CHM: variants seen among roughly 807,000 people sequenced by gnomAD.
CHM encodes CHM Rab escort protein.
A neutral mutation model predicts 49.0 loss-of-function variants in CHM; 10 were observed. That is an observed-to-expected ratio of 0.20 (90% CI 0.13 to 0.35). CHM has a LOEUF of 0.35. Ranked by LOEUF, CHM falls within the 10% of genes least tolerant of loss-of-function variation. The pLI is 1.00. For synonymous variants in CHM, 184 were observed against 167.5 expected (o/e 1.10, Z -0.76); for missense variants, 455 against 478.4 (o/e 0.95, Z 0.46).
chrX:85,934,726 T>C (rs928774013), intron 8 of CHM, among the ~76,000 whole-genome samples: 3 of 110,554 alleles, frequency 2.7e-5, no homozygotes, highest in African/African-American at 9.9e-5. Context: ...CTATTGTGAA[T>C]AGTGCCACAA....
intron 7 of CHM, among the ~76,000 whole-genome samples, chrX:85,957,614 G>GAGT (rs1287818119): frequency 1.0e-5 from 1 of 98,020 alleles, no homozygotes; most frequent in Non-Finnish European, 2.1e-5. Context: ...TAGCCACATG[G>GAGT]GGCTATGGGA....
intron 2 of CHM, among the ~76,000 whole-genome samples, chrX:85,995,181 A>G (rs1290622026): frequency 2.8e-5 from 3 of 107,925 alleles, no homozygotes; most frequent in African/African-American, 1.0e-4. Flanking sequence ...GTTTAAGACC[A>G]TACAAATACA....
At chrX:85,885,045 C>A (rs1431881673) in intron 12 of CHM, among the ~76,000 whole-genome samples, 1 of 110,798 alleles carries the variant, frequency 9.0e-6, no homozygotes, top group Non-Finnish European at 1.9e-5. Flanking sequence ...TAAAAATTCA[C>A]AAATTTCTAC....
At chrX:85,932,584 C>G (rs1275962281) in intron 8 of CHM, among the ~76,000 whole-genome samples, 1 of 111,911 alleles carries the variant, frequency 8.9e-6, no homozygotes, top group Admixed American at 9.5e-5. Flanking sequence ...ACTTCTGAGT[C>G]GCACTTGATT....
chrX:86,002,249 A>G (rs934445896), intron 2 of CHM, among the ~76,000 whole-genome samples: 1 of 112,168 alleles, frequency 8.9e-6, no homozygotes, highest in Admixed American at 9.5e-5. Flanking sequence ...AGAAAACCCT[A>G]GGGGGTGGTA....
chrX:85,917,407 C>A (rs972536116), intron 8 of CHM, among the ~76,000 whole-genome samples: 1 of 111,027 alleles, frequency 9.0e-6, no homozygotes, highest in African/African-American at 3.3e-5. Flanking sequence ...ACAAGTTTAG[C>A]TATGTAACAA....
rs919014647 is a variant in CHM at position 86,027,341 on chromosome X, A to G, written c.116+150T>C. The G allele has an allele frequency of 2.2e-5, 11 of 497,765 alleles. No homozygotes were observed. In the African/African-American group the frequency reaches 2.4e-4, roughly 11 times the overall value. The allele number at this position is 497,765 out of a possible 1,213,427, so 41.0% of individuals were successfully genotyped here. A position where few individuals can be genotyped will look rare whatever the true frequency, so the allele number is the denominator to read the frequency against. ...TATATTTCACATATTAGTGGTTAAA[A>G]TTAAACAACTCCGATCTTTCTTCTA... On this transcript the variant is annotated intron_variant, in intron 2 of 14. Transcript: ENST00000357749.
intron 8 of CHM, among the ~76,000 whole-genome samples, chrX:85,949,978 A>AATATATATATATAT (rs200318878): frequency 0.047 from 2,001 of 42,280 alleles, 160 homozygotes; most frequent in Non-Finnish European, 0.061. Flanking sequence ...ACTGAAATTA[A>AATATATATATATAT]ATATATATAT....
chrX:85,971,310 G>A lies in CHM; in HGVS notation c.315-7258C>T, dbSNP rs182002892. 6.4e-5 allele frequency: 36 copies of A among 566,556 alleles called. 1 individual carries two copies. Among genetic ancestry groups the A allele is most frequent in the African/African-American group, 5.0e-4 (20 of 39,928 alleles). The allele number at this position is 566,556 out of a possible 1,213,427, so 46.7% of individuals were successfully genotyped here. The stretch of plus-strand genomic sequence containing the variant: ...TCACTGACTTAAAGAATGAAGCCGC[G>A]GACCCGCGCGGTGAGTGTTACAGCT... On this transcript the variant is annotated intron_variant, in intron 4 of 14. Coordinates refer to ENST00000357749, the MANE Select transcript of CHM (RefSeq NM_000390.4).
intron 2 of CHM, among the ~76,000 whole-genome samples, chrX:86,000,278 A>T (rs1187782894): frequency 9.2e-6 from 1 of 109,087 alleles, no homozygotes; most frequent in Non-Finnish European, 1.9e-5. Flanking sequence ...TGAAAAAAAA[A>T]AAAAAAAAAG....
At chrX:85,964,372 C>T (rs2147677131) in intron 4 of CHM, among the ~76,000 whole-genome samples, 1 of 110,327 alleles carries the variant, frequency 9.1e-6, no homozygotes, top group South Asian at 4.0e-4. Context: ...AACTTAGATA[C>T]TTATGTATCC....
At chrX:85,910,975 A>G (rs1401442706) in intron 9 of CHM, among the ~76,000 whole-genome samples, 4 of 98,004 alleles carry the variant, frequency 4.1e-5, no homozygotes, top group Non-Finnish European at 6.1e-5. Context: ...CTATATTCTG[A>G]ACTCACTATT....
rs779304782 is a variant in CHM at position 85,963,713 on chromosome X, T to A, written c.654A>T (p.Ser218=). 8.3e-7 allele frequency: 1 copy of A among 1,202,270 alleles called. No individual in the cohort carries two copies. Among genetic ancestry groups the A allele is most frequent in the Non-Finnish European group, 1.1e-6 (1 of 886,979 alleles). The change falls in exon 5 of 15, where the codon TCA becomes TCT. Residue 218 remains serine (S), a synonymous_variant. Transcript: ENST00000357749. ...EQPKKNRITY[S]QIIKEGRRFN... is the part of the protein sequence containing the mutation. ...ATCTCCTGCCTTCTTTAATAATTTG[T>A]GAGTAAGTAATTCTGTTTTTCTTTG... is the stretch of plus-strand genomic sequence containing the variant.
chrX:85,991,949 AAAC>A (rs777102841), intron 2 of CHM, among the ~76,000 whole-genome samples: 19 of 111,609 alleles, frequency 1.7e-4, no homozygotes, highest in Non-Finnish European at 3.2e-4. Context: ...ATTAGGGAGA[AAAC>A]AACAACAACT....
intron 8 of CHM, among the ~76,000 whole-genome samples, chrX:85,926,216 T>C (rs1412163683): frequency 9.0e-6 from 1 of 111,371 alleles, no homozygotes; most frequent in Non-Finnish European, 1.9e-5. Context: ...AACCACCCCC[T>C]TCCTTCCATA....
intron 2 of CHM, among the ~76,000 whole-genome samples, chrX:86,025,716 AAAAGAAAAAG>A (rs1275607142): frequency 7.8e-5 from 7 of 90,096 alleles, no homozygotes; most frequent in African/African-American, 3.1e-4. Flanking sequence ...AAGAAAAAGG[AAAAGAAAAAG>A]AAAAAAAAAA....
rs541747924 is a variant in CHM at position 85,983,002 on chromosome X, A to G, written c.117-1193T>C. Among the ~76,000 whole-genome samples the G allele has an allele frequency of 3.5e-4, 39 of 110,611 alleles. No homozygotes were observed. The South Asian group carries it at 0.014, about 40-fold the overall frequency. Reference sequence around the variant, plus strand: ...AAAATAATGAAATGAAATAAAATATAAAATAACTCTTCCATAATGCTACTG... The same window carrying G: ...AAAATAATGAAATGAAATAAAATATGAAATAACTCTTCCATAATGCTACTG... On this transcript the variant is annotated intron_variant, in intron 2 of 14. Transcript: ENST00000357749.
intron 2 of CHM, among the ~76,000 whole-genome samples, chrX:86,012,012 A>C (rs1202133052): frequency 1.8e-5 from 2 of 112,325 alleles, no homozygotes; most frequent in Non-Finnish European, 3.8e-5. Context: ...TAAAAGAATA[A>C]GTCTGTATTG....
intron 2 of CHM, among the ~76,000 whole-genome samples, chrX:86,026,349 T>C (rs73630492): frequency 0.014 from 1,511 of 107,892 alleles, 20 homozygotes; most frequent in African/African-American, 0.044. Flanking sequence ...GTCTCAAACT[T>C]CTGACTTCCT....
Sources: allele counts gnomAD v4.1 joint callset (sites outside exome capture counted in the v4.1 genomes callset), GRCh38; gene constraint gnomAD v4.1.1; transcripts MANE v1.5; gene names NCBI Gene and HGNC (gene_info 2026-07-23, HGNC 2026-07-21).